Variants in TRIM36 observed in about 807,000 individuals in gnomAD.
TRIM36 encodes the protein tripartite motif containing 36.
TRIM36 carries 42 observed loss-of-function variants against 72.4 expected under a neutral mutation model. That is an observed-to-expected ratio of 0.58 (90% CI 0.45 to 0.75). The LOEUF (loss-of-function observed/expected upper bound fraction) is 0.75, where lower values mean the gene tolerates loss of function less well. TRIM36 is among the 30% of genes least tolerant of loss of function. TRIM36 has a pLI of 0.00. For missense variants in TRIM36, 913 were observed against 857.1 expected, an observed-to-expected ratio of 1.07 and a Z score of -0.81; for synonymous variants, 315 against 282.8, an observed-to-expected ratio of 1.11 and a Z score of -1.14.
intron 1 of TRIM36, among the ~76,000 whole-genome samples, chr5:115,175,846 C>T (rs751007958): frequency 2.6e-4 from 39 of 152,062 alleles, no homozygotes; most frequent in Non-Finnish European, 4.4e-4. Context: ...CTTTGTAGGC[C>T]GGATGCGGTG....
chr5:115,178,341 A>C (rs1389648884), intron 1 of TRIM36, among the ~76,000 whole-genome samples: 1 of 152,092 alleles, frequency 6.6e-6, no homozygotes, highest in Non-Finnish European at 1.5e-5. Flanking sequence ...CCTGCCCCCT[A>C]GCCCCTCAAC....
intron 2 of TRIM36, among the ~76,000 whole-genome samples, chr5:115,151,534 T>C (rs1370896220): frequency 6.6e-6 from 1 of 152,204 alleles, no homozygotes; most frequent in African/African-American, 2.4e-5. Flanking sequence ...CCACAGTTGA[T>C]GCTCTTTGGA....
intron 2 of TRIM36, among the ~76,000 whole-genome samples, chr5:115,152,147 TCAAGGAAA>T: frequency 6.6e-6 from 1 of 152,124 alleles, no homozygotes; most frequent in Middle Eastern, 3.4e-3. Context: ...GAAGAAATGT[TCAAGGAAA>T]TAGATAGCAT....
At chr5:115,155,908 A>C (rs1317083677) in intron 2 of TRIM36, among the ~76,000 whole-genome samples, 2 of 152,170 alleles carry the variant, frequency 1.3e-5, no homozygotes, top group Non-Finnish European at 2.9e-5. Flanking sequence ...GAAAACCCTA[A>C]AGCCTCCTCC....
chr5:115,162,336 A>T (rs1209601679), intron 2 of TRIM36, among the ~76,000 whole-genome samples: 3 of 152,206 alleles, frequency 2.0e-5, no homozygotes, highest in Non-Finnish European at 4.4e-5. Flanking sequence ...CAAAAGACAA[A>T]TGCCATTATT....
At chr5:115,168,441 G>A (rs982296500) in intron 1 of TRIM36, among the ~76,000 whole-genome samples, 3 of 152,132 alleles carry the variant, frequency 2.0e-5, no homozygotes, top group African/African-American at 7.2e-5. Flanking sequence ...TTATAACCTT[G>A]TACAATCATT....
At chr5:115,160,684 T>A (rs74438794) in intron 2 of TRIM36, among the ~76,000 whole-genome samples, 2,301 of 152,088 alleles carry the variant, frequency 0.015, 42 homozygotes, top group African/African-American at 0.046. Flanking sequence ...ACAAAAAAAA[T>A]TTTTTAATTA....
chr5:115,144,838 T>C lies in TRIM36; in HGVS notation c.589-94A>G, dbSNP rs570419287. On this transcript the variant is annotated intron_variant, in intron 3 of 9. Transcript: ENST00000513154. ...ACAAAGATTTGCCTTATAAAATCAC[T>C]AAATAAAGCCATTTAAGTGAATATG... 5 of 1,360,480 alleles carry C rather than the reference T, an allele frequency of 3.7e-6. No individual in the cohort carries two copies. The African/African-American group carries it at 7.4e-5, about 20-fold the overall frequency. 84.3% of individuals were successfully genotyped at this position (1,360,480 alleles called of 1,614,324 possible).
rs200920925 is a variant in TRIM36 at position 115,147,293 on chromosome 5, G to T, written c.364C>A (p.Arg122=). The T allele has an allele frequency of 6.2e-7, 1 of 1,614,100 alleles. No individual in the cohort carries two copies. The highest frequency in any genetic ancestry group is 8.5e-7 in the Non-Finnish European group (1 of 1,180,036). Residue 122 remains arginine, a synonymous_variant, in exon 3 of 10, where the codon CGA becomes AGA. Coordinates refer to ENST00000513154, the MANE Select transcript of TRIM36 (RefSeq NM_001300759.2). The part of the protein sequence containing the change: ...LGERGINGLF[R]NFTLETIVER... The stretch of plus-strand genomic sequence containing the variant: ...ACAATAGTTTCCAAAGTGAAGTTTC[G>T]AAACAGACCATTGATTCCTCGTTCT...
upstream of TRIM36, among the ~76,000 whole-genome samples, chr5:115,173,786 C>G (rs1755223606): frequency 6.6e-6 from 1 of 152,170 alleles, no homozygotes; most frequent in Non-Finnish European, 1.5e-5. Flanking sequence ...CTAGCACCTC[C>G]TTTTTCAATA....
At chr5:115,167,152 C>T (rs1350549163) in intron 1 of TRIM36, among the ~76,000 whole-genome samples, 1 of 152,194 alleles carries the variant, frequency 6.6e-6, no homozygotes, top group Non-Finnish European at 1.5e-5. Flanking sequence ...AAGCGACACC[C>T]TAAGGATCCT....
At chr5:115,166,061 G>T (rs956945084) in intron 1 of TRIM36, among the ~76,000 whole-genome samples, 2 of 152,096 alleles carry the variant, frequency 1.3e-5, no homozygotes, top group African/African-American at 4.8e-5. Context: ...TACTGCAGGC[G>T]TCCCTCAGCT....
chr5:115,125,044 C>T lies in TRIM36; in HGVS notation c.*1459G>A, dbSNP rs953992952. 2.0e-5 allele frequency: 3 copies of T among 152,444 alleles called. No individual in the cohort carries two copies. The highest frequency in any genetic ancestry group is 4.1e-4 in the South Asian group (2 of 4,828). The allele number at this position is 152,444 out of a possible 1,614,324, so 9.4% of individuals were successfully genotyped here. Reference sequence around the variant, plus strand: ...TAACAGCCTGCTAAACACTGAAGTTCTCCATGATATTTGCTACTTGAGTTG... The same window carrying T: ...TAACAGCCTGCTAAACACTGAAGTTTTCCATGATATTTGCTACTTGAGTTG... On this transcript the variant is annotated 3_prime_UTR_variant, in exon 10 of 10. Coordinates refer to ENST00000513154, the MANE Select transcript of TRIM36 (RefSeq NM_001300759.2).
At chr5:115,130,545 C>A in intron 9 of TRIM36, 47 bp downstream of exon 9, 1 of 1,548,272 alleles carries the variant, frequency 6.5e-7, no homozygotes, top group South Asian at 1.2e-5. Flanking sequence ...TATTTTCAGG[C>A]TTACTTTTAA....
chr5:115,150,620 G>A (rs567363473), intron 2 of TRIM36, among the ~76,000 whole-genome samples: 4 of 152,142 alleles, frequency 2.6e-5, no homozygotes, highest in Non-Finnish European at 4.4e-5. Flanking sequence ...GCTCCAGAAC[G>A]ACTACAGAAA....
intron 1 of TRIM36, among the ~76,000 whole-genome samples, chr5:115,168,739 A>T (rs1258466706): frequency 6.6e-6 from 1 of 152,262 alleles, no homozygotes; most frequent in Non-Finnish European, 1.5e-5. Context: ...AGAATACAGA[A>T]TATTCACATC....
upstream of TRIM36, among the ~76,000 whole-genome samples, chr5:115,170,142 C>A (rs969897842): frequency 7.2e-5 from 11 of 152,138 alleles, no homozygotes; most frequent in Non-Finnish European, 1.2e-4. Context: ...CGCATCAGCC[C>A]CTCCCTCCCA....
intron 2 of TRIM36, among the ~76,000 whole-genome samples, chr5:115,162,009 T>C (rs1457363098): frequency 2.6e-5 from 4 of 152,232 alleles, no homozygotes; most frequent in Admixed American, 6.5e-5. Context: ...GGGGTGTGTG[T>C]GCGCGTGTGT....
At chr5:115,170,960 G>T, upstream of TRIM36, 3 of 1,296,612 alleles carry the variant, frequency 2.3e-6, no homozygotes, top group South Asian at 2.9e-5. Context: ...GACACACGGA[G>T]AACAAATTAA....
Sources: allele counts gnomAD v4.1 joint callset (sites outside exome capture counted in the v4.1 genomes callset), GRCh38; gene constraint gnomAD v4.1.1; transcripts MANE v1.5; gene names NCBI Gene and HGNC (gene_info 2026-07-23, HGNC 2026-07-21).